Variants in AFF2 observed in about 807,000 individuals in gnomAD.
The protein encoded by AFF2 is AF4/FMR2 family member 2.
Under a neutral mutation model 76.9 loss-of-function variants are expected in AFF2, and 14 were observed. The observed-to-expected ratio is 0.18, with a 90% confidence interval of 0.12 to 0.28. The LOEUF (loss-of-function observed/expected upper bound fraction) is 0.28. Ranked by LOEUF, AFF2 falls within the 10% of genes least tolerant of loss-of-function variation. AFF2 has a pLI of 1.00. For missense variants in AFF2, 868 were observed against 1,001.1 expected, an observed-to-expected ratio of 0.87 and a Z score of 1.79; for synonymous variants, 398 against 366.7, an observed-to-expected ratio of 1.09 and a Z score of -0.98.
At chrX:148,655,955 G>A (rs2054247410) in intron 2 of AFF2, among the ~76,000 whole-genome samples, 1 of 111,930 alleles carries the variant, frequency 8.9e-6, no homozygotes, top group South Asian at 3.8e-4. Flanking sequence ...AAGACTTTCA[G>A]GAAAGTTCTT....
intron 3 of AFF2, among the ~76,000 whole-genome samples, chrX:148,695,393 C>T (rs782651651): frequency 9.0e-6 from 1 of 111,462 alleles, no homozygotes; most frequent in Non-Finnish European, 1.9e-5. Flanking sequence ...ATATAGAATC[C>T]GAAGACAGGC....
intron 3 of AFF2, among the ~76,000 whole-genome samples, chrX:148,748,117 A>G (rs6655000): frequency 2.0e-4 from 22 of 112,114 alleles, no homozygotes; most frequent in African/African-American, 6.8e-4. Context: ...ATTGGATGTT[A>G]AATCAAATTC....
chrX:148,614,815 G>A (rs868963648), intron 1 of AFF2, among the ~76,000 whole-genome samples: 4 of 49,963 alleles, frequency 8.0e-5, no homozygotes, highest in Non-Finnish European at 1.1e-4. Context: ...TCTCTCTCTC[G>A]CTCTCTTCCT....
chrX:148,738,055 T>C (rs1488861059), intron 3 of AFF2, among the ~76,000 whole-genome samples: 3 of 111,447 alleles, frequency 2.7e-5, no homozygotes, highest in African/African-American at 9.8e-5. Flanking sequence ...TCTATATTCA[T>C]CAAGGATATC....
chrX:148,987,584 G>A (rs2072487964), intron 20 of AFF2, 27 bp downstream of exon 20: 1 of 1,158,105 alleles, frequency 8.6e-7, no homozygotes. Context: ...TACCCATATA[G>A]CTCACAGACC....
Position 148,516,286 on chromosome X carries a change from G to A in AFF2, c.47+15142G>A, listed in dbSNP as rs937908193. Among the ~76,000 whole-genome samples the A allele has an allele frequency of 3.6e-5, 4 of 111,846 alleles. No individual in the cohort carries two copies. In the South Asian group the frequency reaches 1.1e-3, roughly 31 times the overall value. ...TAGGTTACATAGAGCAGGGAGAGGC[G>A]TCTTTATCTCCTGCATATAAACTTT... On this transcript the variant is annotated intron_variant, in intron 1 of 20. Transcript: ENST00000370460.
intron 3 of AFF2, among the ~76,000 whole-genome samples, chrX:148,691,276 A>C (rs1044904609): frequency 2.7e-5 from 3 of 112,600 alleles, no homozygotes; most frequent in Admixed American, 9.4e-5. Context: ...ACTGACAACA[A>C]CAGAATCTAG....
At chrX:148,857,811 T>C (rs1021487475) in intron 7 of AFF2, among the ~76,000 whole-genome samples, 1 of 111,362 alleles carries the variant, frequency 9.0e-6, no homozygotes, top group Non-Finnish European at 1.9e-5. Context: ...ATAGGAGGTG[T>C]TCCTAAGCTT....
chrX:148,762,069 GT>G (rs1157654316), intron 3 of AFF2, among the ~76,000 whole-genome samples: 1 of 110,098 alleles, frequency 9.1e-6, no homozygotes, highest in Non-Finnish European at 1.9e-5. Flanking sequence ...ATTTCAATAG[GT>G]TTTGGGGGAA....
intron 1 of AFF2, among the ~76,000 whole-genome samples, chrX:148,609,942 G>A (rs782746684): frequency 1.8e-4 from 20 of 111,783 alleles, no homozygotes; most frequent in Admixed American, 5.7e-4. Context: ...TTCTTAGGAA[G>A]GGAAAGAGTG....
chrX:148,804,196 G>A (rs1302620594), intron 3 of AFF2, among the ~76,000 whole-genome samples: 10 of 111,677 alleles, frequency 9.0e-5, no homozygotes, highest in Non-Finnish European at 1.7e-4. Context: ...AAAAATCCTA[G>A]AAGTGGATTT....
chrX:148,674,328 A>G (rs1209146836), intron 3 of AFF2, among the ~76,000 whole-genome samples: 2 of 112,339 alleles, frequency 1.8e-5, no homozygotes, highest in African/African-American at 6.5e-5. Flanking sequence ...CCTGGGCTAG[A>G]TCTAGACAAA....
At chrX:148,685,786 A>T (rs2054594891) in intron 3 of AFF2, among the ~76,000 whole-genome samples, 1 of 110,211 alleles carries the variant, frequency 9.1e-6, no homozygotes, top group African/African-American at 3.3e-5. Flanking sequence ...CTTAATCTTC[A>T]TTTTTTTTAA....
chrX:148,662,222 C>A lies in AFF2; in HGVS notation c.495C>A (p.Asn165Lys), dbSNP rs797044704. Residue 165 changes from asparagine (N) to lysine (K), a missense_variant, in exon 3 of 21, where the codon AAC (asparagine) becomes AAA (lysine). Asn to Lys is a moderately conservative substitution (Grantham distance 94, BLOSUM62 0). Coordinates refer to ENST00000370460, the MANE Select transcript of AFF2 (RefSeq NM_002025.4). ...CTGAGTGGTCACGTGATAGTCATAA[C>A]CCTAGCACTGTACTGGCAAGCCAGG... is the stretch of plus-strand genomic sequence containing the variant. ...SKPEWSRDSHNPSTVLASQAS... is the reference protein window; with the variant it reads ...SKPEWSRDSHKPSTVLASQAS... 1 of 1,211,103 alleles carries A rather than the reference C, an allele frequency of 8.3e-7. No homozygotes were observed.
At chrX:148,642,001 A>G (rs1405314952) in intron 1 of AFF2, among the ~76,000 whole-genome samples, 2 of 112,305 alleles carry the variant, frequency 1.8e-5, no homozygotes, top group Admixed American at 9.4e-5. Flanking sequence ...GGTTGATGCA[A>G]TTTAACTCAC....
At chrX:148,534,228 C>T (rs2052759780) in intron 1 of AFF2, among the ~76,000 whole-genome samples, 1 of 111,847 alleles carries the variant, frequency 8.9e-6, no homozygotes. Context: ...TGATTGGATG[C>T]AACAGTGGCC....
intron 3 of AFF2, among the ~76,000 whole-genome samples, chrX:148,751,917 A>G (rs2055505539): frequency 1.8e-5 from 2 of 112,220 alleles, no homozygotes; most frequent in Non-Finnish European, 3.8e-5. Flanking sequence ...GAGGCTGAGA[A>G]GTCCCAGATC....
intron 3 of AFF2, among the ~76,000 whole-genome samples, chrX:148,679,316 A>G (rs144245173): frequency 0.014 from 1,510 of 108,133 alleles, 32 homozygotes; most frequent in African/African-American, 0.046. Flanking sequence ...ACATGATACA[A>G]GAGGAAAGGT....
intron 4 of AFF2, among the ~76,000 whole-genome samples, chrX:148,834,412 C>T (rs1557273584): frequency 9.0e-6 from 1 of 111,242 alleles, no homozygotes; most frequent in East Asian, 2.8e-4. Context: ...ATATGAATCC[C>T]TGCTTTCTGT....
Sources: allele counts gnomAD v4.1 joint callset (sites outside exome capture counted in the v4.1 genomes callset), GRCh38; gene constraint gnomAD v4.1.1; transcripts MANE v1.5; gene names NCBI Gene and HGNC (gene_info 2026-07-23, HGNC 2026-07-21).